The following KCNQ3 variants were observed in gnomAD, a reference collection of about 807,000 sequenced individuals.
The protein encoded by KCNQ3 is potassium voltage-gated channel subfamily KQT member 3.
KCNQ3 carries 30 observed loss-of-function variants against 92.5 expected under a neutral mutation model. That is an observed-to-expected ratio of 0.32 (90% CI 0.24 to 0.44). The LOEUF (loss-of-function observed/expected upper bound fraction) is 0.44, where lower values mean the gene tolerates loss of function less well. Among genes scored for constraint, KCNQ3 ranks in the 20% least tolerant of loss-of-function variants. KCNQ3 has a pLI of 1.00. For synonymous variants in KCNQ3, 450 were observed against 468.8 expected (o/e 0.96, Z 0.52); for missense variants, 913 against 1,140.3 (o/e 0.80, Z 2.87).
In KCNQ3 at chr8:132,185,916, T is replaced by G. The variant is rs377458390; in HGVS notation, c.477+175A>C. ...CAGGAATGCCATTCTTCACCCCACA[T>G]GTGCCCATGGCGGGCCATACCAAGT... On this transcript the variant is annotated intron_variant, in intron 2 of 14. Coordinates refer to ENST00000388996, the MANE Select transcript of KCNQ3 (RefSeq NM_004519.4). Among the ~76,000 whole-genome samples, 88 of 152,324 alleles carry G rather than the reference T, an allele frequency of 5.8e-4. 2 individuals are homozygous for G. The South Asian group carries it at 0.018, about 31-fold the overall frequency.
At chr8:132,160,505 T>C (rs1194630725) in intron 9 of KCNQ3, among the ~76,000 whole-genome samples, 1 of 152,214 alleles carries the variant, frequency 6.6e-6, no homozygotes, top group Non-Finnish European at 1.5e-5. Context: ...ATTAGCCTTG[T>C]GGAGCTCATG....
intron 1 of KCNQ3, among the ~76,000 whole-genome samples, chr8:132,268,134 G>A (rs1361266330): frequency 6.6e-6 from 1 of 152,112 alleles, no homozygotes; most frequent in Non-Finnish European, 1.5e-5. Flanking sequence ...GCTCTTTTTA[G>A]TGTCTCCATG....
chr8:132,166,396 T>C (rs552704316), intron 8 of KCNQ3, among the ~76,000 whole-genome samples: 39 of 152,318 alleles, frequency 2.6e-4, no homozygotes, highest in South Asian at 4.1e-4. Context: ...CCTGCTTGTA[T>C]ATAAGAACGT....
chr8:132,439,074 C>T (rs1196729553), intron 1 of KCNQ3, among the ~76,000 whole-genome samples: 1 of 151,338 alleles, frequency 6.6e-6, no homozygotes, highest in Non-Finnish European at 1.5e-5. Flanking sequence ...CTTACGCCAG[C>T]TCCCAATACC....
intron 1 of KCNQ3, among the ~76,000 whole-genome samples, chr8:132,455,772 C>T (rs1029328451): frequency 2.6e-5 from 4 of 152,150 alleles, no homozygotes; most frequent in Admixed American, 6.5e-5. Context: ...GACAGAGTCT[C>T]GCTCTGTCGC....
At chr8:132,447,373 C>T (rs1461215058) in intron 1 of KCNQ3, 14 of 824,250 alleles carry the variant, frequency 1.7e-5, no homozygotes, top group Non-Finnish European at 2.8e-5. Flanking sequence ...TTCTAGGACA[C>T]AGATGTGGAG....
chr8:132,139,193 A>G lies in KCNQ3; in HGVS notation c.1568+883T>C, dbSNP rs149399844. The stretch of plus-strand genomic sequence containing the variant: ...AGACATCAATGAAAATGCTAAAAGA[A>G]GAGAAGAAGACGGCAGAGACTAGAC... On this transcript the variant is annotated intron_variant, in intron 11 of 14. Transcript: ENST00000388996. Among the ~76,000 whole-genome samples, 187 of 152,356 alleles carry G rather than the reference A, an allele frequency of 1.2e-3. 1 individual carries two copies. Among genetic ancestry groups the G allele is most frequent in the African/African-American group, 4.3e-3 (180 of 41,586 alleles).
chr8:132,375,506 A>G (rs1819583687), intron 1 of KCNQ3, among the ~76,000 whole-genome samples: 1 of 152,224 alleles, frequency 6.6e-6, no homozygotes, highest in South Asian at 2.1e-4. Context: ...AAAAGGGCAC[A>G]TGAAATCTTA....
chr8:132,184,417 T>C, intron 2 of KCNQ3, 50 bp from the exon 3 acceptor site: 1 of 1,598,900 alleles, frequency 6.3e-7, no homozygotes. Context: ...GATCCACTTG[T>C]CGGGAGCTGG....
intron 13 of KCNQ3, among the ~76,000 whole-genome samples, chr8:132,133,458 C>T (rs995341967): frequency 1.4e-5 from 2 of 146,158 alleles, no homozygotes; most frequent in Non-Finnish European, 3.0e-5. Context: ...CTGGTTCAAG[C>T]GATTCTCCTG....
chr8:132,175,642 C>T lies in KCNQ3; in HGVS notation c.778-34G>A, dbSNP rs751246769. The stretch of plus-strand genomic sequence containing the variant: ...ATGAACAGTGGACATGAAAAGTGGT[C>T]ACTGGGGAGTCGTTGAGTGGATGCT... On this transcript the variant is annotated intron_variant, in intron 4 of 14. Coordinates refer to ENST00000388996, the MANE Select transcript of KCNQ3 (RefSeq NM_004519.4). 1.2e-5 allele frequency: 19 copies of T among 1,608,864 alleles called. No individual in the cohort carries two copies. The African/African-American group carries it at 2.5e-4, about 21-fold the overall frequency.
chr8:132,413,305 A>ACACTG (rs1820704841), intron 1 of KCNQ3, among the ~76,000 whole-genome samples: 1 of 152,154 alleles, frequency 6.6e-6, no homozygotes, highest in Non-Finnish European at 1.5e-5. Flanking sequence ...CTTTCTGAAA[A>ACACTG]CACTGTTTCT....
chr8:132,283,626 T>A (rs1290009071), intron 1 of KCNQ3, among the ~76,000 whole-genome samples: 1 of 152,130 alleles, frequency 6.6e-6, no homozygotes, highest in Non-Finnish European at 1.5e-5. Context: ...AGATTCCTGA[T>A]CCCCCTTGTC....
Position 132,415,728 on chromosome 8 carries a change from C to T in KCNQ3, c.386+64419G>A, listed in dbSNP as rs112968276. Among the ~76,000 whole-genome samples the T allele has an allele frequency of 2.9e-3, 446 of 151,288 alleles. 7 individuals are homozygous for T. The highest frequency in any genetic ancestry group is 0.01 in the African/African-American group (432 of 41,242). ...AATCATCGTAACTGTGCATTCTCAA[C>T]GGGACAAAAAAAAAAGCTACTTAGG... On this transcript the variant is annotated intron_variant, in intron 1 of 14. Transcript: ENST00000388996.
At chr8:132,335,012 T>TCCTTCCTC (rs1485843497) in intron 1 of KCNQ3, among the ~76,000 whole-genome samples, 1 of 151,498 alleles carries the variant, frequency 6.6e-6, no homozygotes, top group Non-Finnish European at 1.5e-5. Flanking sequence ...CTTCCTTCCT[T>TCCTTCCTC]CCTTCCTTCC....
At chr8:132,218,645 C>T (rs777273118) in intron 1 of KCNQ3, among the ~76,000 whole-genome samples, 2 of 152,136 alleles carry the variant, frequency 1.3e-5, no homozygotes, top group South Asian at 2.1e-4. Flanking sequence ...AGCATTTGCA[C>T]AGATAGGAAG....
Position 132,172,606 on chromosome 8 carries a change from G to T in KCNQ3, c.1132C>A (p.Leu378Ile). ...FEKRRKPAAELIQAAWRYYAT... is the reference protein window; with the variant it reads ...FEKRRKPAAEIIQAAWRYYAT... ...TTCCCAGGCAGACAGACCTGAATGAGCTCAGCAGCTGGCTTCCTCCTTTTC... is the reference window on the plus strand; with the variant it reads ...TTCCCAGGCAGACAGACCTGAATGATCTCAGCAGCTGGCTTCCTCCTTTTC... The change falls in exon 7 of 15, where the codon CTC becomes ATC. Residue 378 changes from leucine to isoleucine, a missense_variant. Physicochemically the swap from Leu to Ile is conservative, Grantham distance 5 (BLOSUM62 2). Around this residue, in one of 6 missense-constraint regions of KCNQ3, gnomAD observed 52 missense variants for 127.7 expected, o/e 0.41. Coordinates refer to ENST00000388996, the MANE Select transcript of KCNQ3 (RefSeq NM_004519.4). 6.2e-7 allele frequency: 1 copy of T among 1,613,794 alleles called. No homozygotes were observed. The highest frequency in any genetic ancestry group is 8.5e-7 in the Non-Finnish European group (1 of 1,179,760).
chr8:132,215,970 G>A (rs1814017692), intron 1 of KCNQ3, among the ~76,000 whole-genome samples: 2 of 152,152 alleles, frequency 1.3e-5, no homozygotes, highest in Admixed American at 6.6e-5. Flanking sequence ...AGATAAAGGG[G>A]AGACTTGGAC....
chr8:132,350,108 T>G (rs1001087474), intron 1 of KCNQ3, among the ~76,000 whole-genome samples: 1 of 152,158 alleles, frequency 6.6e-6, no homozygotes, highest in Admixed American at 6.5e-5. Flanking sequence ...GCCTCCCCAC[T>G]CCCAAATGGC....
Sources: gnomAD v4.1 joint callset for allele counts (sites outside exome capture counted in the v4.1 genomes callset) on GRCh38, gnomAD v4.1.1 for gene constraint, gnomAD v4.1.1 regional missense constraint, MANE v1.5 for transcripts, NCBI Gene and HGNC (gene_info 2026-07-23, HGNC 2026-07-21) for gene names.